Variants in RSBN1L observed in about 807,000 individuals in gnomAD.
RSBN1L encodes the protein round spermatid basic protein 1 like.
Under a neutral mutation model 67.7 loss-of-function variants are expected in RSBN1L, and 30 were observed. That is an observed-to-expected ratio of 0.44 (90% CI 0.33 to 0.60). The LOEUF (loss-of-function observed/expected upper bound fraction) is 0.60. RSBN1L is among the 20% of genes least tolerant of loss of function. RSBN1L has a pLI of 0.02. For synonymous variants in RSBN1L, 433 were observed against 387.0 expected (o/e 1.12, Z -1.39); for missense variants, 992 against 1,031.7 (o/e 0.96, Z 0.53).
chr7:77,714,590 T>C (rs1468164415), intron 1 of RSBN1L, among the ~76,000 whole-genome samples: 2 of 152,326 alleles, frequency 1.3e-5, no homozygotes, highest in Admixed American at 1.3e-4. Flanking sequence ...AATTTGGTGC[T>C]ACAAGTTGAT....
Position 77,749,877 on chromosome 7 carries a change from G to A in RSBN1L, c.1157G>A (p.Gly386Asp), listed in dbSNP as rs993248665. The A allele has an allele frequency of 1.2e-6, 2 of 1,614,166 alleles. No homozygotes were observed. The highest frequency in any genetic ancestry group is 1.7e-6 in the Non-Finnish European group (2 of 1,180,022). Residue 386 changes from glycine to aspartate, a missense_variant, in exon 3 of 8, where the codon GGT (glycine) becomes GAT (aspartate). By Grantham distance (94) the Gly-to-Asp change is moderately conservative. Coordinates refer to ENST00000334955, the MANE Select transcript of RSBN1L (RefSeq NM_198467.3). ...EMERFAEEFV[G>D]LVFSENENSA... is the part of the protein sequence containing the mutation. ...GAGAGGTTTGCAGAAGAGTTTGTGGGTCTAGTGTTCAGTGAAAATGAAAAC... is the reference window on the plus strand; with the variant it reads ...GAGAGGTTTGCAGAAGAGTTTGTGGATCTAGTGTTCAGTGAAAATGAAAAC...
chr7:77,772,886 A>G (rs1233000476), intron 5 of RSBN1L, among the ~76,000 whole-genome samples: 1 of 152,220 alleles, frequency 6.6e-6, no homozygotes, highest in Non-Finnish European at 1.5e-5. Flanking sequence ...GATTCTGTGT[A>G]TAGGGAAACT....
At chr7:77,734,985 G>C (rs1374114171) in intron 1 of RSBN1L, among the ~76,000 whole-genome samples, 1 of 151,320 alleles carries the variant, frequency 6.6e-6, no homozygotes, top group Non-Finnish European at 1.5e-5. Context: ...CTTGTACTCA[G>C]ACTGTGTATT....
At chr7:77,697,108 C>T (rs915376008) in intron 1 of RSBN1L, 53 bp downstream of exon 1, 2 of 1,318,388 alleles carry the variant, frequency 1.5e-6, no homozygotes, top group African/African-American at 3.1e-5. Flanking sequence ...CCCCGCCGCC[C>T]CCTGGCGCCC....
At chr7:77,702,437 CT>C (rs1157966293) in intron 1 of RSBN1L, among the ~76,000 whole-genome samples, 6 of 152,112 alleles carry the variant, frequency 3.9e-5, no homozygotes, top group African/African-American at 1.4e-4. Context: ...GTTTTTCTTA[CT>C]TATTTCTGTT....
chr7:77,749,940 C>T lies in RSBN1L; in HGVS notation c.1220C>T (p.Ala407Val). 1 of 1,614,048 alleles carries T rather than the reference C, an allele frequency of 6.2e-7. No homozygotes were observed. Among genetic ancestry groups the T allele is most frequent in the African/African-American group, 1.3e-5 (1 of 75,020 alleles). ...TACGTGATGGGTATTGTTCATGGGGCAGCTACTTATTTACCTGACTTTTTA... is the reference window on the plus strand; with the variant it reads ...TACGTGATGGGTATTGTTCATGGGGTAGCTACTTATTTACCTGACTTTTTA... ...AFYVMGIVHG[A>V]ATYLPDFLDY... Residue 407 changes from alanine (A) to valine (V), a missense_variant, in exon 3 of 8, where the codon GCA (alanine) becomes GTA (valine). Coordinates refer to ENST00000334955, the MANE Select transcript of RSBN1L (RefSeq NM_198467.3).
At chr7:77,703,843 G>C (rs544029669) in intron 1 of RSBN1L, among the ~76,000 whole-genome samples, 7 of 152,184 alleles carry the variant, frequency 4.6e-5, no homozygotes, top group African/African-American at 1.7e-4. Flanking sequence ...AGGTTGGAAT[G>C]CAGTGGCACA....
chr7:77,697,292 TC>T, intron 1 of RSBN1L: 1 of 379,138 alleles, frequency 2.6e-6, no homozygotes. Flanking sequence ...TATCGTTTCT[TC>T]CTCCCAGTTA....
At position 77,778,672 on chromosome 7, in the gene RSBN1L, G is replaced by A; in HGVS notation, c.2045G>A (p.Cys682Tyr). 1 of 1,614,080 alleles carries A rather than the reference G, an allele frequency of 6.2e-7. No individual in the cohort carries two copies. Among genetic ancestry groups the A allele is most frequent in the Non-Finnish European group, 8.5e-7 (1 of 1,180,006 alleles). The change falls in exon 8 of 8, where the codon TGC becomes TAC. Residue 682 changes from cysteine (C) to tyrosine (Y), a missense_variant. Physicochemically the swap from Cys to Tyr is radical, Grantham distance 194. Transcript: ENST00000334955. The stretch of plus-strand genomic sequence containing the variant: ...CAGTTCAAGACAGTTTCAGCTGTAT[G>A]CAGTTTAGCATGGCATATTCGGCTC... ...VHQFKTVSAV[C>Y]SLAWHIRLKL...
chr7:77,743,194 C>T (rs1205603157), intron 2 of RSBN1L, among the ~76,000 whole-genome samples: 2 of 152,102 alleles, frequency 1.3e-5, no homozygotes, highest in Non-Finnish European at 2.9e-5. Flanking sequence ...GCTGGGAATA[C>T]AGGTATTTGC....
intron 1 of RSBN1L, among the ~76,000 whole-genome samples, chr7:77,734,793 G>T (rs1791312302): frequency 6.6e-6 from 1 of 152,088 alleles, no homozygotes; most frequent in African/African-American, 2.4e-5. Flanking sequence ...CCGGCCTGGA[G>T]TAACATTTTA....
intron 1 of RSBN1L, among the ~76,000 whole-genome samples, chr7:77,723,829 G>A (rs1446937768): frequency 6.6e-6 from 1 of 152,160 alleles, no homozygotes; most frequent in East Asian, 1.9e-4. Flanking sequence ...AGCTACTCGG[G>A]TGGCCGAGGC....
rs1792007756 is a variant in RSBN1L, at chr7:77,782,106, C to T, written c.*2938C>T. 1.3e-5 allele frequency: 2 copies of T among 151,928 alleles called. No homozygotes were observed. Among genetic ancestry groups the T allele is most frequent in the South Asian group, 4.1e-4 (2 of 4,822 alleles). 9.4% of individuals were successfully genotyped at this position (151,928 alleles called of 1,614,324 possible). A position where few individuals can be genotyped will look rare whatever the true frequency, so the allele number is the denominator to read the frequency against. Reference sequence around the variant, plus strand: ...CTTGTCTTATGGGTTATAATTTTCACATCCTCTTCAGATACAATCTGAGAA... The same window carrying T: ...CTTGTCTTATGGGTTATAATTTTCATATCCTCTTCAGATACAATCTGAGAA... On this transcript the variant is annotated 3_prime_UTR_variant, in exon 8 of 8. Transcript: ENST00000334955.
chr7:77,714,496 C>T (rs1002570430), intron 1 of RSBN1L, among the ~76,000 whole-genome samples: 2 of 152,124 alleles, frequency 1.3e-5, no homozygotes, highest in East Asian at 3.9e-4. Context: ...TGTTATATTA[C>T]TTTTGAGATC....
intron 5 of RSBN1L, among the ~76,000 whole-genome samples, chr7:77,770,094 C>T (rs188984843): frequency 2.0e-5 from 3 of 152,210 alleles, no homozygotes; most frequent in East Asian, 1.9e-4. Flanking sequence ...ATAGTTAGGC[C>T]GGGTGCAGTG....
intron 1 of RSBN1L, among the ~76,000 whole-genome samples, chr7:77,705,944 A>G (rs1393743600): frequency 6.6e-6 from 1 of 152,066 alleles, no homozygotes; most frequent in Non-Finnish European, 1.5e-5. Context: ...TTTGTCGCCA[A>G]GGCTGGAGTG....
At chr7:77,724,935 C>T (rs574656860) in intron 1 of RSBN1L, among the ~76,000 whole-genome samples, 22 of 148,724 alleles carry the variant, frequency 1.5e-4, no homozygotes, top group African/African-American at 4.5e-4. Flanking sequence ...CTCCGCCTCC[C>T]GGGTCCAGTC....
chr7:77,730,078 A>C (rs1380194177), intron 1 of RSBN1L, among the ~76,000 whole-genome samples: 1 of 152,020 alleles, frequency 6.6e-6, no homozygotes, highest in Non-Finnish European at 1.5e-5. Flanking sequence ...CACATATATG[A>C]TTTCTTTTTT....
chr7:77,727,479 TAA>T (rs1196239849), intron 1 of RSBN1L, among the ~76,000 whole-genome samples: 1 of 152,218 alleles, frequency 6.6e-6, no homozygotes, highest in African/African-American at 2.4e-5. Flanking sequence ...CTTGTTTAGA[TAA>T]GAATTGTCAC....
Sources: gnomAD v4.1 joint callset for allele counts (sites outside exome capture counted in the v4.1 genomes callset) on GRCh38, gnomAD v4.1.1 for gene constraint, MANE v1.5 for transcripts, NCBI Gene and HGNC (gene_info 2026-07-23, HGNC 2026-07-21) for gene names.